PEX2: variants seen among roughly 807,000 people sequenced by gnomAD.
PEX2 encodes peroxisome biogenesis factor 2.
Under a neutral mutation model 25.2 loss-of-function variants are expected in PEX2, and 19 were observed. The ratio of observed to expected loss-of-function variants is 0.75; its 90% CI spans 0.53 to 1.10. The LOEUF is 1.10. Among genes scored for constraint, PEX2 ranks in the 50% least tolerant of loss-of-function variants. The probability of loss-of-function intolerance (pLI) is 0.00; values close to 1 mark genes in which losing one functional copy is unlikely to be tolerated. For missense variants in PEX2, 347 were observed against 350.6 expected (o/e 0.99, Z 0.08); for synonymous variants, 141 against 127.7 (o/e 1.10, Z -0.70).
chr8:76,996,292 C>A (rs747629284), intron 1 of PEX2, among the ~76,000 whole-genome samples: 1 of 152,198 alleles, frequency 6.6e-6, no homozygotes, highest in Non-Finnish European at 1.5e-5. Flanking sequence ...TCTGTTATTA[C>A]TTCTGTTCTA....
At chr8:76,996,403 C>T (rs185693583) in intron 1 of PEX2, among the ~76,000 whole-genome samples, 13 of 152,242 alleles carry the variant, frequency 8.5e-5, no homozygotes, top group African/African-American at 3.1e-4. Context: ...ATACTGACAA[C>T]GCGGTAATGG....
intron 1 of PEX2, among the ~76,000 whole-genome samples, chr8:76,995,893 C>G (rs1249865462): frequency 6.8e-6 from 1 of 146,636 alleles, no homozygotes; most frequent in Non-Finnish European, 1.5e-5. Context: ...CATTTTATTA[C>G]ACTATACTCT....
Position 76,987,217 on chromosome 8 carries a change from C to A in PEX2, c.-127-921G>T, listed in dbSNP as rs529174596. Among the ~76,000 whole-genome samples, 57 of 152,188 alleles carry A rather than the reference C, an allele frequency of 3.7e-4. 1 individual carries two copies. The highest frequency in any genetic ancestry group is 6.9e-4 in the Non-Finnish European group (47 of 68,014). On this transcript the variant is annotated intron_variant, in intron 2 of 3. Coordinates refer to ENST00000357039, the MANE Select transcript of PEX2 (RefSeq NM_000318.3). ...GTAAAGGTGTGCTATATAAAATAAA[C>A]AGGTGATTACAATAAGGTGCGATCA...
upstream of PEX2, chr8:77,000,092 G>A: frequency 2.6e-6 from 1 of 385,568 alleles, no homozygotes; most frequent in Non-Finnish European, 5.1e-6. Flanking sequence ...AAGGCTTCCG[G>A]AACTCGCAGG....
chr8:76,983,212 G>A lies in PEX2; in HGVS notation c.*49C>T, dbSNP rs1383605534. ...GTATACTTAGGATGACTAATATTAA[G>A]AATTTAAACACGGTGCATTTTTTTC... On this transcript the variant is annotated 3_prime_UTR_variant, in exon 4 of 4. Coordinates refer to ENST00000357039, the MANE Select transcript of PEX2 (RefSeq NM_000318.3). 1.2e-6 allele frequency: 2 copies of A among 1,602,540 alleles called. No individual in the cohort carries two copies. The highest frequency in any genetic ancestry group is 2.2e-5 in the East Asian group (1 of 44,872).
intron 1 of PEX2, among the ~76,000 whole-genome samples, chr8:76,992,535 G>T (rs781253037): frequency 2.6e-5 from 4 of 152,048 alleles, no homozygotes; most frequent in Non-Finnish European, 5.9e-5. Context: ...AAAATAACTA[G>T]AAATTCAATT....
In PEX2 at chr8:76,983,501, A is replaced by G. The variant is rs2132043403; in HGVS notation, c.678T>C (p.Pro226=). Residue 226 remains proline (P), a synonymous_variant, in exon 4 of 4, where the codon CCT becomes CCC. Transcript: ENST00000357039. ...TGTCACTATTAGGTGCACCAGTAAG[A>G]GGAATACACCATGAAGACAGCTTGG... ...LKAKLSSWCI[P]LTGAPNSDNT... The G allele has an allele frequency of 2.5e-6, 4 of 1,614,116 alleles. No individual in the cohort carries two copies. Among genetic ancestry groups the G allele is most frequent in the Non-Finnish European group, 2.5e-6 (3 of 1,179,994 alleles).
rs750212948 is a variant in PEX2, at chr8:76,984,039, C to G, written c.140G>C (p.Gly47Ala). ...CTCTGGCTCAAAGCGAGCTAACAGC[C>G]CAGGTTTAAATCCATGAAAGCACTG... ...FTQCFHGFKPGLLARFEPEVK... is the reference protein window; with the variant it reads ...FTQCFHGFKPALLARFEPEVK... The change falls in exon 4 of 4, where the codon GGG becomes GCG. Residue 47 changes from glycine (G) to alanine (A), a missense_variant. Physicochemically the swap from Gly to Ala is moderately conservative, Grantham distance 60. Coordinates refer to ENST00000357039, the MANE Select transcript of PEX2 (RefSeq NM_000318.3). 41 of 1,613,316 alleles carry G rather than the reference C, an allele frequency of 2.5e-5. No homozygotes were observed. Among genetic ancestry groups the G allele is most frequent in the South Asian group, 2.4e-4 (22 of 91,042 alleles).
intron 1 of PEX2, among the ~76,000 whole-genome samples, chr8:76,993,180 GT>G (rs1178493052): frequency 6.6e-6 from 1 of 152,182 alleles, no homozygotes; most frequent in Non-Finnish European, 1.5e-5. Context: ...AAGAACCTGT[GT>G]TAAGGAAATT....
chr8:76,986,676 C>G (rs949696990), intron 2 of PEX2: 2 of 152,212 alleles, frequency 1.3e-5, no homozygotes. Context: ...CGTTTCCAAT[C>G]TTTTAACTGA....
intron 2 of PEX2, chr8:76,988,037 T>G (rs1300065534): frequency 6.6e-6 from 1 of 152,240 alleles, no homozygotes; most frequent in Non-Finnish European, 1.5e-5. Context: ...TCTACATAAG[T>G]GCTAAAATCA....
chr8:76,991,113 T>C (rs944508328), intron 1 of PEX2, among the ~76,000 whole-genome samples: 1 of 152,200 alleles, frequency 6.6e-6, no homozygotes, highest in African/African-American at 2.4e-5. Flanking sequence ...AACTCATAAC[T>C]GCATCTCTTC....
At chr8:76,990,456 G>A (rs1049649327) in intron 1 of PEX2, among the ~76,000 whole-genome samples, 3 of 152,136 alleles carry the variant, frequency 2.0e-5, no homozygotes, top group South Asian at 2.1e-4. Context: ...GTTGGCTTCT[G>A]ACATGGCTTC....
At chr8:76,992,039 C>T (rs1807186031) in intron 1 of PEX2, among the ~76,000 whole-genome samples, 1 of 152,100 alleles carries the variant, frequency 6.6e-6, no homozygotes, top group African/African-American at 2.4e-5. Flanking sequence ...ATATTGACAT[C>T]ATTAAGACAT....
chr8:76,990,574 T>G (rs566704598), intron 1 of PEX2, among the ~76,000 whole-genome samples: 1 of 152,136 alleles, frequency 6.6e-6, no homozygotes, highest in Non-Finnish European at 1.5e-5. Flanking sequence ...CATTGTAGGC[T>G]TATCTTAATT....
chr8:77,000,976 T>A (rs1807498660), upstream of PEX2: 1 of 152,166 alleles, frequency 6.6e-6, no homozygotes, highest in African/African-American at 2.4e-5. Flanking sequence ...TGCTTAAGTT[T>A]GAATGATGGC....
At chr8:76,998,827 A>C (rs551218874) in intron 1 of PEX2, among the ~76,000 whole-genome samples, 3 of 152,216 alleles carry the variant, frequency 2.0e-5, no homozygotes, top group African/African-American at 4.8e-5. Context: ...TCTAAAAATA[A>C]GGAGAATACG....
upstream of PEX2, chr8:77,000,372 A>ACTACT (rs76189986): frequency 3.6e-5 from 7 of 195,200 alleles, no homozygotes; most frequent in South Asian, 3.0e-4. Context: ...AGGACACTAC[A>ACTACT]AGTGTCGAGG....
Position 76,983,666 on chromosome 8 carries a change from T to C in PEX2, c.513A>G (p.Leu171=), listed in dbSNP as rs2132043808. ...GCTTGCAAAATACAGAATGAATACC[T>C]AGGAGACGTTCTGTCAAAGTTGCAA... ...GKFATLTERL[L]GIHSVFCKPQ... is the part of the protein sequence containing the mutation. Residue 171 remains leucine (L), a synonymous_variant, in exon 4 of 4, where the codon CTA becomes CTG. Coordinates refer to ENST00000357039, the MANE Select transcript of PEX2 (RefSeq NM_000318.3). The C allele has an allele frequency of 2.5e-6, 4 of 1,614,086 alleles. No homozygotes were observed. The highest frequency in any genetic ancestry group is 3.4e-6 in the Non-Finnish European group (4 of 1,179,972).
Sources: gnomAD v4.1 joint callset for allele counts (sites outside exome capture counted in the v4.1 genomes callset) on GRCh38, gnomAD v4.1.1 for gene constraint, MANE v1.5 for transcripts, NCBI Gene and HGNC (gene_info 2026-07-23, HGNC 2026-07-21) for gene names.